WDR18: variants seen among roughly 807,000 people sequenced by gnomAD.
WDR18 encodes WD repeat-containing protein 18.
In WDR18, 33 loss-of-function variants were observed where a neutral mutation model predicts 49.6. That is an observed-to-expected ratio of 0.67 (90% confidence interval 0.50 to 0.89). The LOEUF (loss-of-function observed/expected upper bound fraction) is 0.89. Ranked by LOEUF, WDR18 falls within the 40% of genes least tolerant of loss-of-function variation. WDR18 has a pLI of 0.00. For synonymous variants in WDR18, 315 were observed against 263.6 expected (o/e 1.19, Z -1.89); for missense variants, 653 against 593.6 (o/e 1.10, Z -1.04).
At chr19:984,212 GA>G (rs1195320691), upstream of WDR18, 2 of 900,164 alleles carry the variant, frequency 2.2e-6, no homozygotes, top group African/African-American at 1.8e-5. Flanking sequence ...CACTTCACAA[GA>G]AAGCCCCTCT....
At chr19:985,771 G>C in intron 1 of WDR18, 94 bp from the exon 2 acceptor site, 1 of 1,140,524 alleles carries the variant, frequency 8.8e-7, no homozygotes, top group Non-Finnish European at 1.3e-6. Flanking sequence ...CTCTGACTTA[G>C]CCATTGCCCA....
rs990718676 is a variant in WDR18 at position 993,947 on chromosome 19, G to A, written c.1099-73G>A. On this transcript the variant is annotated intron_variant, in intron 8 of 9. Transcript: ENST00000585809. ...TGGCTGAGTGGCTGCCCACGCTGGC[G>A]GGGGTGGGATGGGCAAAGCGTGTGG... The A allele has an allele frequency of 1.9e-5, 28 of 1,511,176 alleles. No homozygotes were observed. The East Asian group carries it at 2.9e-4, about 16-fold the overall frequency. The allele number at this position is 1,511,176 out of a possible 1,614,324, so 93.6% of individuals were successfully genotyped here.
chr19:994,281 G>T lies in WDR18; in HGVS notation c.1236G>T (p.Leu412=). 14 of 1,610,620 alleles carry T rather than the reference G, an allele frequency of 8.7e-6. No individual in the cohort carries two copies. The highest frequency in any genetic ancestry group is 1.2e-5 in the Non-Finnish European group (14 of 1,179,206). The change falls in exon 10 of 10, where the codon CTG becomes CTT. Residue 412 remains leucine, a synonymous_variant. Coordinates refer to ENST00000585809, the MANE Select transcript of WDR18 (RefSeq NM_024100.4). Reference sequence around the variant, plus strand: ...AGCTGGAGGACGAGGTGCGCAACCTGCGCAAGATCAATCGGGACCTGTTCG... The same window carrying T: ...AGCTGGAGGACGAGGTGCGCAACCTTCGCAAGATCAATCGGGACCTGTTCG... The part of the protein sequence containing the change: ...VTELEDEVRN[L]RKINRDLFDF...
At position 987,829 on chromosome 19, in the gene WDR18, G is replaced by GTTTTTTTTTTTTTTTTTTTTTT. The variant is rs71174337; in HGVS notation, c.321+1856_321+1877dup. Among the ~76,000 whole-genome samples the GTTTTTTTTTTTTTTTTTTTTTT allele has an allele frequency of 2.0e-4, 18 of 91,802 alleles. 4 individuals carry two copies. The highest frequency in any genetic ancestry group is 1.1e-3 in the East Asian group (3 of 2,730). The allele number at this position is 91,802 out of a possible 152,430, so 60.2% of individuals were successfully genotyped here. On this transcript the variant is annotated intron_variant, in intron 2 of 9. Transcript: ENST00000585809. Reference sequence around the variant, plus strand: ...ACCCCTGCTCCCCTAGCCGCCTCCAGTTTTTTTTTTTTTTTTTTTTTTTCA... The same window carrying GTTTTTTTTTTTTTTTTTTTTTT: ...ACCCCTGCTCCCCTAGCCGCCTCCAGTTTTTTTTTTTTTTTTTTTTTTTTTTTTTTTTTTTTTTTTTTTTTCA...
chr19:989,614 A>G, intron 2 of WDR18, 148 bp from the exon 3 acceptor site: 3 of 1,204,206 alleles, frequency 2.5e-6, no homozygotes, highest in East Asian at 2.5e-5. Context: ...CGCTGCCCTG[A>G]CAGGGTCACC....
Position 991,951 on chromosome 19 carries a change from C to CA in WDR18, c.932-4_932-3insA. 3 of 1,580,660 alleles carry CA rather than the reference C, an allele frequency of 1.9e-6. No individual in the cohort carries two copies. Among genetic ancestry groups the CA allele is most frequent in the Non-Finnish European group, 2.6e-6 (3 of 1,170,200 alleles). ...GGGCGGGGCCTGACCTCCGCGCCCC[C>CA]CAGGCCCAGTCACCAATGCCGCCAT... On this transcript the variant is annotated splice_polypyrimidine_tract_variant and splice_region_variant and intron_variant, in intron 7 of 9. Coordinates refer to ENST00000585809, the MANE Select transcript of WDR18 (RefSeq NM_024100.4).
intron 2 of WDR18, among the ~76,000 whole-genome samples, chr19:988,314 G>A (rs1372216400): frequency 2.0e-5 from 3 of 152,214 alleles, no homozygotes; most frequent in African/African-American, 7.2e-5. Context: ...GAGAGCCAGG[G>A]CTGTGGGGCG....
Position 994,009 on chromosome 19 carries a change from C to G in WDR18, c.1099-11C>G. Reference sequence around the variant, plus strand: ...ACGCGCCCCGAGGTCACGTGGCTCCCTGTGTTACAGGGCTCGGAGCCCAGC... The same window carrying G: ...ACGCGCCCCGAGGTCACGTGGCTCCGTGTGTTACAGGGCTCGGAGCCCAGC... On this transcript the variant is annotated splice_polypyrimidine_tract_variant and intron_variant, in intron 8 of 9. Transcript: ENST00000585809. 1 of 1,551,490 alleles carries G rather than the reference C, an allele frequency of 6.4e-7. No individual in the cohort carries two copies.
At chr19:993,950 G>C (rs969036656) in intron 8 of WDR18, 70 bp from the exon 9 acceptor site, 1 of 1,519,640 alleles carries the variant, frequency 6.6e-7, no homozygotes, top group African/African-American at 1.4e-5. Context: ...CGCTGGCGGG[G>C]GTGGGATGGG....
At chr19:989,666 C>A in intron 2 of WDR18, 96 bp from the exon 3 acceptor site, 2 of 1,540,928 alleles carry the variant, frequency 1.3e-6, no homozygotes, top group Admixed American at 1.8e-5. Flanking sequence ...GACAGTGTGG[C>A]CATGGCCGTG....
intron 1 of WDR18, 115 bp from the exon 2 acceptor site, chr19:985,748 CCT>C: frequency 1.1e-6 from 1 of 898,920 alleles, no homozygotes; most frequent in African/African-American, 1.6e-5. Context: ...GCTCCCGACT[CCT>C]CTTCCTGGTT....
chr19:990,053 G>C, intron 3 of WDR18, 158 bp downstream of exon 3: 2 of 1,399,888 alleles, frequency 1.4e-6, no homozygotes, highest in Non-Finnish European at 1.9e-6. Flanking sequence ...GCCCACACTG[G>C]GGTCTGGTTT....
Position 991,255 on chromosome 19 carries a change from A to C in WDR18, c.835A>C (p.Thr279Pro). The C allele has an allele frequency of 6.4e-7, 1 of 1,573,580 alleles. No homozygotes were observed. Among genetic ancestry groups the C allele is most frequent in the Non-Finnish European group, 8.6e-7 (1 of 1,158,318 alleles). Residue 279 changes from threonine to proline, a missense_variant, in exon 7 of 10, where the codon ACT (threonine) becomes CCT (proline). Thr to Pro is a conservative substitution (Grantham distance 38). Coordinates refer to ENST00000585809, the MANE Select transcript of WDR18 (RefSeq NM_024100.4). ...CCAGGTGACTTGCCTGTCAGTGTCC[A>C]CTGACGGCAGCGTGCTGCTCTCAGG... ...RNQVTCLSVS[T>P]DGSVLLSGSH...
At chr19:990,583 T>TG (rs1457776730) in intron 4 of WDR18, 2 of 852,934 alleles carry the variant, frequency 2.3e-6, no homozygotes, top group Non-Finnish European at 3.4e-6. Flanking sequence ...TGGCCAAGCC[T>TG]GGGGAATCGG....
At chr19:990,448 T>C in intron 4 of WDR18, 84 bp downstream of exon 4, 2 of 1,424,832 alleles carry the variant, frequency 1.4e-6, no homozygotes, top group Non-Finnish European at 1.8e-6. Flanking sequence ...AATCGCCTCC[T>C]CCCGCTCCCT....
Position 994,516 on chromosome 19 carries a change from C to T in WDR18, c.*172C>T. 2.2e-6 allele frequency: 2 copies of T among 916,056 alleles called. No individual in the cohort carries two copies. Among genetic ancestry groups the T allele is most frequent in the Non-Finnish European group, 3.2e-6 (2 of 625,934 alleles). The allele number at this position is 916,056 out of a possible 1,614,324, so 56.7% of individuals were successfully genotyped here. On this transcript the variant is annotated 3_prime_UTR_variant, in exon 10 of 10. Coordinates refer to ENST00000585809, the MANE Select transcript of WDR18 (RefSeq NM_024100.4). ...TCTTGGTGTCTCGTGGCACGCGTCA[C>T]AGTGGTGCTAGTCTGTTTTTAACAA...
chr19:987,974 C>T (rs1289590683), intron 2 of WDR18, among the ~76,000 whole-genome samples: 6 of 151,530 alleles, frequency 4.0e-5, no homozygotes, highest in Non-Finnish European at 8.8e-5. Context: ...AGCTGGGAGG[C>T]GCCCGCCACC....
chr19:984,286 G>A (rs1470662189), upstream of WDR18: 2 of 1,436,078 alleles, frequency 1.4e-6, no homozygotes. Context: ...CGCCGCTCTG[G>A]CCCGCGTGGG....
Position 992,034 on chromosome 19 carries a change from C to G in WDR18, c.1011C>G (p.Pro337=). 5.6e-6 allele frequency: 9 copies of G among 1,593,060 alleles called. No individual in the cohort carries two copies. Among genetic ancestry groups the G allele is most frequent in the Non-Finnish European group, 7.7e-6 (9 of 1,173,804 alleles). Residue 337 remains proline, a synonymous_variant, in exon 8 of 10, where the codon CCC becomes CCG. Transcript: ENST00000585809. ...SSDFRPSLPL[P]HFNKHLLGAE... ...ACTTCAGGCCCAGCCTGCCGCTGCC[C>G]CACTTCAACAAGCACCTGCTGGGCG...
Sources: allele counts gnomAD v4.1 joint callset (sites outside exome capture counted in the v4.1 genomes callset), GRCh38; gene constraint gnomAD v4.1.1; transcripts MANE v1.5; gene names NCBI Gene and HGNC (gene_info 2026-07-23, HGNC 2026-07-21).